The following PACRG variants were observed in gnomAD, a reference collection of about 807,000 sequenced individuals.
The protein encoded by PACRG is parkin coregulated gene protein.
A neutral mutation model predicts 29.7 loss-of-function variants in PACRG; 29 were observed. The ratio of observed to expected loss-of-function variants is 0.98; its 90% CI spans 0.73 to 1.33. PACRG has a LOEUF of 1.33. Among genes scored for constraint, PACRG ranks in the 40% most tolerant of loss-of-function variants. The pLI, the probability that PACRG is intolerant of heterozygous loss-of-function variation, is 0.00. For synonymous variants in PACRG, 116 were observed against 118.7 expected, an observed-to-expected ratio of 0.98 and a Z score of 0.15; for missense variants, 279 against 316.2, an observed-to-expected ratio of 0.88 and a Z score of 0.89.
At chr6:162,995,094 C>A (rs1341212287) in intron 2 of PACRG, among the ~76,000 whole-genome samples, 2 of 151,060 alleles carry the variant, frequency 1.3e-5, no homozygotes, top group African/African-American at 2.5e-5. Context: ...GGCAGTCCGC[C>A]CGTTCTCAGA....
chr6:163,193,962 G>A (rs576876766), intron 4 of PACRG, among the ~76,000 whole-genome samples: 14 of 149,254 alleles, frequency 9.4e-5, no homozygotes, highest in Admixed American at 8.1e-4. Flanking sequence ...CCGCGATCTC[G>A]GCTCAGTGCA....
chr6:163,078,322 G>A (rs548420319), intron 3 of PACRG, among the ~76,000 whole-genome samples: 12 of 152,066 alleles, frequency 7.9e-5, no homozygotes, highest in Non-Finnish European at 1.3e-4. Context: ...TCAACATGGT[G>A]AAACCCTTTC....
intron 4 of PACRG, among the ~76,000 whole-genome samples, chr6:163,241,847 A>G (rs1311873089): frequency 6.6e-6 from 1 of 152,188 alleles, no homozygotes; most frequent in East Asian, 1.9e-4. Flanking sequence ...TGGGGATGGA[A>G]CAGATGAATC....
intron 2 of PACRG, among the ~76,000 whole-genome samples, chr6:162,904,636 T>C (rs1348338353): frequency 1.3e-5 from 2 of 152,250 alleles, no homozygotes; most frequent in African/African-American, 4.8e-5. Flanking sequence ...ACATGTTAAA[T>C]GACGTTCAGA....
At chr6:162,731,225 G>A (rs1026620182) in intron 1 of PACRG, among the ~76,000 whole-genome samples, 11 of 152,116 alleles carry the variant, frequency 7.2e-5, no homozygotes, top group Admixed American at 5.9e-4. Flanking sequence ...TACACTCAAA[G>A]AAAACTCTTT....
intron 2 of PACRG, among the ~76,000 whole-genome samples, chr6:162,877,858 A>T (rs953173056): frequency 7.2e-5 from 11 of 152,256 alleles, no homozygotes; most frequent in African/African-American, 2.2e-4. Context: ...AAGTAGATTC[A>T]TGGTCTTTCC....
At chr6:163,168,289 G>A (rs1337851231) in intron 4 of PACRG, among the ~76,000 whole-genome samples, 2 of 152,104 alleles carry the variant, frequency 1.3e-5, no homozygotes, top group Admixed American at 1.3e-4. Flanking sequence ...GGCCAACATG[G>A]TGACACCCTG....
At chr6:162,976,447 G>T (rs536898575) in intron 2 of PACRG, among the ~76,000 whole-genome samples, 1 of 152,138 alleles carries the variant, frequency 6.6e-6, no homozygotes. Flanking sequence ...TGGAGTTGAG[G>T]GGGGAAGAAA....
intron 2 of PACRG, among the ~76,000 whole-genome samples, chr6:162,975,620 T>C (rs1235726410): frequency 6.6e-6 from 1 of 152,248 alleles, no homozygotes; most frequent in Non-Finnish European, 1.5e-5. Context: ...TATGGCATAA[T>C]CATTTTTTCT....
intron 4 of PACRG, among the ~76,000 whole-genome samples, chr6:163,303,907 G>A (rs979974119): frequency 6.6e-6 from 1 of 150,524 alleles, no homozygotes; most frequent in African/African-American, 2.4e-5. Context: ...TCTCAGCTAC[G>A]CAGGAGGCTG....
intron 4 of PACRG, among the ~76,000 whole-genome samples, chr6:163,127,157 C>T (rs887841813): frequency 1.1e-4 from 17 of 152,160 alleles, no homozygotes; most frequent in African/African-American, 3.9e-4. Context: ...TAACATTTAA[C>T]AAAAGTGGCG....
At chr6:162,947,367 C>CAT (rs60158969) in intron 2 of PACRG, among the ~76,000 whole-genome samples, 4,407 of 41,786 alleles carry the variant, frequency 0.11, 741 homozygotes, top group African/African-American at 0.32. Flanking sequence ...ATAATGTAAT[C>CAT]ATATATAATC....
At chr6:162,787,619 T>TAC (rs1562596552) in intron 1 of PACRG, among the ~76,000 whole-genome samples, 2 of 138,088 alleles carry the variant, frequency 1.4e-5, no homozygotes, top group Non-Finnish European at 3.1e-5. Flanking sequence ...TATATATATA[T>TAC]ATGGTTGTCC....
At chr6:162,760,229 G>A (rs1029003660) in intron 1 of PACRG, among the ~76,000 whole-genome samples, 9 of 152,190 alleles carry the variant, frequency 5.9e-5, no homozygotes, top group African/African-American at 2.2e-4. Context: ...ACAGGTGTCA[G>A]CTGTCAGCCA....
chr6:162,873,744 G>A (rs961362310), intron 2 of PACRG, among the ~76,000 whole-genome samples: 10 of 151,934 alleles, frequency 6.6e-5, no homozygotes, highest in Admixed American at 4.6e-4. Context: ...AAACCAATTC[G>A]GCACCAAAAC....
intron 4 of PACRG, among the ~76,000 whole-genome samples, chr6:163,302,882 C>T (rs1230584576): frequency 6.6e-6 from 1 of 152,078 alleles, no homozygotes; most frequent in Non-Finnish European, 1.5e-5. Context: ...AGCTCTGTGC[C>T]CCGCTGTGCA....
chr6:163,219,992 AAC>A (rs1174192765), intron 4 of PACRG, among the ~76,000 whole-genome samples: 2 of 152,240 alleles, frequency 1.3e-5, no homozygotes, highest in East Asian at 3.9e-4. Flanking sequence ...TGCTTCACAA[AAC>A]ACACTGCTAT....
chr6:162,827,681 A>G lies in PACRG; in HGVS notation c.291+13400A>G, dbSNP rs538516512. On this transcript the variant is annotated intron_variant, in intron 2 of 4. Coordinates refer to ENST00000366888, the MANE Select transcript of PACRG (RefSeq NM_001080379.2). ...TCACTTGATGTCTTGTACTTTATACATCAGACATCTCTGTGCATGTAGATT... is the reference window on the plus strand; with the variant it reads ...TCACTTGATGTCTTGTACTTTATACGTCAGACATCTCTGTGCATGTAGATT... Among the ~76,000 whole-genome samples, 5 of 152,304 alleles carry G rather than the reference A, an allele frequency of 3.3e-5. No homozygotes were observed. In the South Asian group the frequency reaches 1.0e-3, roughly 32 times the overall value.
intron 4 of PACRG, among the ~76,000 whole-genome samples, chr6:163,151,407 T>C (rs1455707741): frequency 6.6e-6 from 1 of 152,204 alleles, no homozygotes; most frequent in African/African-American, 2.4e-5. Flanking sequence ...CACTTCACGA[T>C]GTCTGCATAT....
Sources: gnomAD v4.1 joint callset for allele counts (sites outside exome capture counted in the v4.1 genomes callset) on GRCh38, gnomAD v4.1.1 for gene constraint, MANE v1.5 for transcripts, NCBI Gene and HGNC (gene_info 2026-07-23, HGNC 2026-07-21) for gene names.